The following PCDH9 variants were observed in gnomAD, a reference collection of about 807,000 sequenced individuals.
The protein encoded by PCDH9 is protocadherin 9.
Under a neutral mutation model 70.6 loss-of-function variants are expected in PCDH9, and 24 were observed. The ratio of observed to expected loss-of-function variants is 0.34; its 90% CI spans 0.25 to 0.48. PCDH9 has a LOEUF of 0.48. Among genes scored for constraint, PCDH9 ranks in the 20% least tolerant of loss-of-function variants. The pLI is 0.99. For missense variants in PCDH9, 1,281 were observed against 1,503.6 expected (o/e 0.85, Z 2.45); for synonymous variants, 562 against 558.5 (o/e 1.01, Z -0.09).
intron 2 of PCDH9, among the ~76,000 whole-genome samples, chr13:66,981,708 T>C (rs2083774383): frequency 6.6e-6 from 1 of 152,108 alleles, no homozygotes; most frequent in African/African-American, 2.4e-5. Context: ...AACCTATGTT[T>C]ATACACTTTC....
At chr13:66,860,291 C>T (rs558628854) in intron 3 of PCDH9, among the ~76,000 whole-genome samples, 3 of 152,074 alleles carry the variant, frequency 2.0e-5, no homozygotes, top group South Asian at 4.2e-4. Context: ...TATAAGCATT[C>T]GCAGCAGCTT....
intron 4 of PCDH9, among the ~76,000 whole-genome samples, chr13:66,405,137 T>C (rs1345634025): frequency 6.6e-6 from 1 of 152,206 alleles, no homozygotes; most frequent in Non-Finnish European, 1.5e-5. Context: ...AGTTACTTTT[T>C]GTCCATTTCC....
chr13:66,607,665 G>A (rs1721226869), intron 4 of PCDH9, among the ~76,000 whole-genome samples: 1 of 152,044 alleles, frequency 6.6e-6, no homozygotes, highest in African/African-American at 2.4e-5. Flanking sequence ...AGTCTCAAAT[G>A]TTATTTGATT....
intron 3 of PCDH9, among the ~76,000 whole-genome samples, chr13:66,634,404 G>A (rs2077611228): frequency 6.6e-6 from 1 of 152,178 alleles, no homozygotes; most frequent in Non-Finnish European, 1.5e-5. Context: ...TGAATAAATT[G>A]ACATGCAGAA....
intron 3 of PCDH9, among the ~76,000 whole-genome samples, chr13:66,784,253 TGGGTCAATA>T: frequency 6.6e-6 from 1 of 152,180 alleles, no homozygotes; most frequent in East Asian, 1.9e-4. Flanking sequence ...TGCCTAAATT[TGGGTCAATA>T]GGCTATTAGC....
intron 4 of PCDH9, among the ~76,000 whole-genome samples, chr13:66,485,156 A>C (rs1594051986): frequency 6.6e-6 from 1 of 152,216 alleles, no homozygotes; most frequent in Admixed American, 6.5e-5. Flanking sequence ...CTTGAAGCAT[A>C]GCTTGGGGAA....
chr13:66,483,943 C>G (rs996557406), intron 4 of PCDH9, among the ~76,000 whole-genome samples: 1 of 152,010 alleles, frequency 6.6e-6, no homozygotes, highest in African/African-American at 2.4e-5. Context: ...AATCGGACAT[C>G]GAGGGGAGCA....
At chr13:66,661,977 C>T (rs1459461943) in intron 3 of PCDH9, among the ~76,000 whole-genome samples, 1 of 152,012 alleles carries the variant, frequency 6.6e-6, no homozygotes, top group Non-Finnish European at 1.5e-5. Flanking sequence ...TTGTGACATG[C>T]TCAGGTCCTC....
chr13:66,855,647 A>G (rs1423508184), intron 3 of PCDH9, among the ~76,000 whole-genome samples: 2 of 152,034 alleles, frequency 1.3e-5, no homozygotes, highest in Admixed American at 1.3e-4. Context: ...ATTATGTGTT[A>G]TTATTGTCCT....
chr13:67,115,777 A>G (rs552471786), intron 2 of PCDH9, among the ~76,000 whole-genome samples: 2 of 152,262 alleles, frequency 1.3e-5, no homozygotes, highest in Admixed American at 6.5e-5. Flanking sequence ...TTTCCTTTGG[A>G]CCAAATAGAA....
chr13:67,039,578 T>A (rs755425562), intron 2 of PCDH9, among the ~76,000 whole-genome samples: 1 of 152,174 alleles, frequency 6.6e-6, no homozygotes, highest in East Asian at 1.9e-4. Flanking sequence ...AAAAACCCAG[T>A]GCTTTGGTGT....
At chr13:66,851,546 GTTC>G (rs2081314174) in intron 3 of PCDH9, among the ~76,000 whole-genome samples, 1 of 150,758 alleles carries the variant, frequency 6.6e-6, no homozygotes, top group Non-Finnish European at 1.5e-5. Context: ...AACTGCCTGA[GTTC>G]TATGTAACAC....
At chr13:67,169,947 C>T (rs1453140470) in intron 2 of PCDH9, among the ~76,000 whole-genome samples, 1 of 152,138 alleles carries the variant, frequency 6.6e-6, no homozygotes, top group Non-Finnish European at 1.5e-5. Flanking sequence ...ATCTCTGGAA[C>T]CAGTTAGGTA....
At chr13:66,730,844 G>GTT (rs1332473300) in intron 3 of PCDH9, among the ~76,000 whole-genome samples, 7 of 94,430 alleles carry the variant, frequency 7.4e-5, no homozygotes, top group Admixed American at 6.1e-4. Context: ...ATGCCTGGCT[G>GTT]TTTTTTTGTT....
At chr13:66,920,781 A>G (rs754965379) in intron 2 of PCDH9, among the ~76,000 whole-genome samples, 2 of 151,244 alleles carry the variant, frequency 1.3e-5, no homozygotes, top group Non-Finnish European at 3.0e-5. Flanking sequence ...CCAGTGAGCT[A>G]TAATTTTCAG....
intron 4 of PCDH9, among the ~76,000 whole-genome samples, chr13:66,600,635 G>A (rs2077153897): frequency 6.8e-6 from 1 of 147,790 alleles, no homozygotes; most frequent in Non-Finnish European, 1.5e-5. Context: ...TCTGTTTTGT[G>A]CTTTATATTT....
At chr13:67,038,077 T>C (rs1954275924) in intron 2 of PCDH9, among the ~76,000 whole-genome samples, 1 of 152,154 alleles carries the variant, frequency 6.6e-6, no homozygotes, top group Non-Finnish European at 1.5e-5. Flanking sequence ...ACTATTAGAA[T>C]ATGGTTGTTA....
chr13:66,745,856 G>A (rs1046187451), intron 3 of PCDH9, among the ~76,000 whole-genome samples: 2 of 152,104 alleles, frequency 1.3e-5, no homozygotes, highest in Admixed American at 1.3e-4. Flanking sequence ...AATTATCACA[G>A]CAAGATATGA....
intron 4 of PCDH9, among the ~76,000 whole-genome samples, chr13:66,583,176 A>G (rs377511448): frequency 6.6e-6 from 1 of 152,052 alleles, no homozygotes; most frequent in East Asian, 1.9e-4. Context: ...AAAGAAATGA[A>G]TATCCTCTTC....
Sources: gnomAD v4.1 joint callset for allele counts (sites outside exome capture counted in the v4.1 genomes callset) on GRCh38, gnomAD v4.1.1 for gene constraint, MANE v1.5 for transcripts, NCBI Gene and HGNC (gene_info 2026-07-23, HGNC 2026-07-21) for gene names.